Variants in TDG observed in about 807,000 individuals in gnomAD.
The protein encoded by TDG is G/T mismatch-specific thymine DNA glycosylase.
Under a neutral mutation model 46.1 loss-of-function variants are expected in TDG, and 23 were observed. The observed-to-expected ratio is 0.50, with a 90% CI of 0.36 to 0.71. The LOEUF (loss-of-function observed/expected upper bound fraction) is 0.71. TDG is among the 30% of genes least tolerant of loss of function. The probability of loss-of-function intolerance (pLI) is 0.00; values close to 1 mark genes in which losing one functional copy is unlikely to be tolerated. For synonymous variants in TDG, 115 were observed against 161.3 expected (o/e 0.71, Z 2.18); for missense variants, 304 against 486.7 (o/e 0.62, Z 3.53).
rs1447502252 is a variant in TDG, at chr12:103,965,990, G to A, written c.-48G>A. On this transcript the variant is annotated 5_prime_UTR_variant, in exon 1 of 10. Coordinates refer to ENST00000392872, the MANE Select transcript of TDG (RefSeq NM_003211.6). Reference sequence around the variant, plus strand: ...CCACGCGGTACTACAGAGACCGGCTGCCCGTGTGCCCGGCAGGTGGAGCCG... The same window carrying A: ...CCACGCGGTACTACAGAGACCGGCTACCCGTGTGCCCGGCAGGTGGAGCCG... 16 of 1,583,466 alleles carry A rather than the reference G, an allele frequency of 1.0e-5. No individual in the cohort carries two copies. The South Asian group carries it at 1.7e-4, about 17-fold the overall frequency.
intron 1 of TDG, among the ~76,000 whole-genome samples, chr12:103,968,693 G>C (rs1165995772): frequency 1.3e-5 from 2 of 152,208 alleles, no homozygotes; most frequent in Non-Finnish European, 2.9e-5. Flanking sequence ...GATTAAAGCA[G>C]TGTTAGAGGA....
At chr12:103,975,020 C>G (rs1193882435) in intron 1 of TDG, among the ~76,000 whole-genome samples, 1 of 151,256 alleles carries the variant, frequency 6.6e-6, no homozygotes, top group African/African-American at 2.4e-5. Flanking sequence ...ACATGACTTT[C>G]CTCTCCAAAT....
intron 1 of TDG, among the ~76,000 whole-genome samples, chr12:103,972,127 CT>C (rs1327448146): frequency 1.3e-4 from 19 of 148,026 alleles, no homozygotes; most frequent in Non-Finnish European, 2.4e-4. Flanking sequence ...CAGAACCCCC[CT>C]TTTTTTTTTA....
At chr12:103,975,320 CAT>C (rs779942293) in intron 1 of TDG, among the ~76,000 whole-genome samples, 44 of 152,244 alleles carry the variant, frequency 2.9e-4, no homozygotes, top group Non-Finnish European at 3.8e-4. Context: ...AAATTCAACA[CAT>C]GTTTACAAAA....
At chr12:103,972,829 A>G (rs949495696) in intron 1 of TDG, 5 of 455,970 alleles carry the variant, frequency 1.1e-5, no homozygotes, top group Non-Finnish European at 1.5e-5. Flanking sequence ...TTTGATTTTC[A>G]GCTTCTGAAC....
chr12:103,978,529 TG>T (rs570509862), intron 2 of TDG, among the ~76,000 whole-genome samples: 103 of 152,270 alleles, frequency 6.8e-4, no homozygotes, highest in African/African-American at 2.5e-3. Flanking sequence ...ATGCCAGTGA[TG>T]GTGGATCTGT....
rs192457941 is a variant in TDG at position 103,977,804 on chromosome 12, C to G, written c.166+744C>G. ...GCAGGCCGGGCACAGTGGCTCATAC[C>G]TGTAATCCCTGCACTTTGGAAGGCT... On this transcript the variant is annotated intron_variant, in intron 2 of 9. Transcript: ENST00000392872. 5.7e-3 allele frequency among the ~76,000 whole-genome samples: 871 copies of G among 152,272 alleles called. 7 individuals are homozygous for G. The highest frequency in any genetic ancestry group is 0.01 in the Non-Finnish European group (698 of 68,020).
chr12:103,974,998 A>C (rs1369377059), intron 1 of TDG, among the ~76,000 whole-genome samples: 2 of 151,260 alleles, frequency 1.3e-5, no homozygotes, highest in Non-Finnish European at 3.0e-5. Flanking sequence ...AAAAAAGAAA[A>C]AGAAAAAGAA....
rs972760836 is a variant in TDG, at chr12:103,985,909, T to C, written c.1090+181T>C. 2.0e-5 allele frequency among the ~76,000 whole-genome samples: 3 copies of C among 152,174 alleles called. No individual in the cohort carries two copies. The East Asian group carries it at 5.8e-4, about 29-fold the overall frequency. Reference sequence around the variant, plus strand: ...CGTTGAATTACACAGACTTTTACAGTACATTTTCTTTTTTGTTTGTTTGTT... The same window carrying C: ...CGTTGAATTACACAGACTTTTACAGCACATTTTCTTTTTTGTTTGTTTGTT... On this transcript the variant is annotated intron_variant, in intron 9 of 9. Transcript: ENST00000392872.
intron 1 of TDG, among the ~76,000 whole-genome samples, chr12:103,971,582 G>C (rs951679010): frequency 6.6e-6 from 1 of 151,884 alleles, no homozygotes; most frequent in Non-Finnish European, 1.5e-5. Context: ...AAAAACAACA[G>C]AAAAACAATC....
At chr12:103,976,408 C>CACACACACACACA (rs1566179985) in intron 1 of TDG, among the ~76,000 whole-genome samples, 128 of 147,540 alleles carry the variant, frequency 8.7e-4, no homozygotes, top group African/African-American at 3.0e-3. Context: ...CCCTGTCTCC[C>CACACACACACACA]CACACACACA....
rs1223076194 is a variant in TDG, at chr12:103,983,194, C to T, written c.673C>T (p.Arg225Ter). ...ACAGAAATTACAGAAATATCAGCCA[C>T]GAATAGCAGTGTTTAATGGAAAATG... is the stretch of plus-strand genomic sequence containing the variant. ...LVQKLQKYQP[R>*]IAVFNGKCIY... Residue 225 changes from arginine (R) to a stop codon, truncating the protein, a stop_gained, in exon 6 of 10, where the codon CGA (arginine) becomes TGA (stop). Transcript: ENST00000392872. LOFTEE classifies it high-confidence loss of function. 2 of 1,605,984 alleles carry T rather than the reference C, an allele frequency of 1.2e-6. No individual in the cohort carries two copies.
intron 1 of TDG, among the ~76,000 whole-genome samples, chr12:103,974,814 T>C (rs1192274554): frequency 1.3e-5 from 2 of 149,950 alleles, no homozygotes; most frequent in Non-Finnish European, 3.0e-5. Flanking sequence ...ACTAAAAATA[T>C]AAAAAAAAAT....
chr12:103,986,741 C>T (rs531960276), intron 9 of TDG: 33 of 474,766 alleles, frequency 7.0e-5, no homozygotes, highest in African/African-American at 4.2e-4. Context: ...TTCAAATAAG[C>T]TGATACGGTG....
intron 9 of TDG, 70 bp downstream of exon 9, chr12:103,985,798 A>G (rs1427621292): frequency 7.3e-7 from 1 of 1,377,734 alleles, no homozygotes; most frequent in Non-Finnish European, 9.5e-7. Flanking sequence ...AAATTTTAAT[A>G]GAAGGAGAGT....
intron 1 of TDG, among the ~76,000 whole-genome samples, chr12:103,970,757 AAT>A (rs950838967): frequency 4.6e-5 from 7 of 152,020 alleles, no homozygotes; most frequent in African/African-American, 1.7e-4. Flanking sequence ...TTAAAAAAAA[AAT>A]AATTAAAAAA....
rs759829253 is a variant in TDG at position 103,965,996 on chromosome 12, G to A, written c.-42G>A. On this transcript the variant is annotated 5_prime_UTR_variant, in exon 1 of 10. The change creates a new upstream start codon in the 5' untranslated region. Transcript: ENST00000392872. ...GGTACTACAGAGACCGGCTGCCCGT[G>A]TGCCCGGCAGGTGGAGCCGCCCGCA... The A allele has an allele frequency of 5.0e-6, 8 of 1,587,828 alleles. No individual in the cohort carries two copies. In the South Asian group the frequency reaches 8.0e-5, roughly 16 times the overall value.
In TDG at chr12:103,988,622, A is replaced by G. The variant is rs1396420295; in HGVS notation, c.*1532A>G. 1.3e-5 allele frequency: 2 copies of G among 152,744 alleles called. No individual in the cohort carries two copies. The highest frequency in any genetic ancestry group is 2.9e-5 in the Non-Finnish European group (2 of 68,058). 9.5% of individuals were successfully genotyped at this position (152,744 alleles called of 1,614,324 possible). A position where few individuals can be genotyped will look rare whatever the true frequency, so the allele number is the denominator to read the frequency against. On this transcript the variant is annotated 3_prime_UTR_variant, in exon 10 of 10. Transcript: ENST00000392872. ...TGGTATATAACTATTGTAGCTTTAC[A>G]AGAGATTGTTTTATTTGAATGGGGA...
chr12:103,980,836 CG>C, intron 3 of TDG, 56 bp from the exon 4 acceptor site: 1 of 1,524,136 alleles, frequency 6.6e-7, no homozygotes, highest in South Asian at 1.2e-5. Context: ...TCCATAGAAA[CG>C]CTAAGGCTTA....
Sources: gnomAD v4.1 joint callset for allele counts (sites outside exome capture counted in the v4.1 genomes callset) on GRCh38, gnomAD v4.1.1 for gene constraint, MANE v1.5 for transcripts, NCBI Gene and HGNC (gene_info 2026-07-23, HGNC 2026-07-21) for gene names.